The following PDE4D variants were observed in gnomAD, a reference collection of about 807,000 sequenced individuals.
PDE4D encodes the protein phosphodiesterase 4D.
PDE4D carries 24 observed loss-of-function variants against 87.4 expected under a neutral mutation model. That is an observed-to-expected ratio of 0.27 (90% CI 0.20 to 0.39). The LOEUF is 0.39. Ranked by LOEUF, PDE4D falls within the 10% of genes least tolerant of loss-of-function variation. The pLI is 1.00. For synonymous variants in PDE4D, 384 were observed against 383.2 expected, an observed-to-expected ratio of 1.00 and a Z score of -0.02; for missense variants, 714 against 1,041.0, an observed-to-expected ratio of 0.69 and a Z score of 4.32.
At chr5:59,802,396 C>CTTTTTTTT (rs60356253) in intron 1 of PDE4D, among the ~76,000 whole-genome samples, 1 of 110,360 alleles carries the variant, frequency 9.1e-6, no homozygotes, top group Non-Finnish European at 1.8e-5. Context: ...CTTCCATATT[C>CTTTTTTTT]TTTTTTTTTT....
At chr5:59,359,271 C>A (rs990875767) in intron 1 of PDE4D, among the ~76,000 whole-genome samples, 1 of 152,112 alleles carries the variant, frequency 6.6e-6, no homozygotes, top group Non-Finnish European at 1.5e-5. Flanking sequence ...CAAGATAAAA[C>A]AATGGAACTG....
chr5:59,984,708 C>T (rs1428086374), intron 3 of PDE4D, among the ~76,000 whole-genome samples: 1 of 152,120 alleles, frequency 6.6e-6, no homozygotes, highest in Non-Finnish European at 1.5e-5. Flanking sequence ...TTCTGCACAT[C>T]AAAGTTCTTT....
chr5:60,473,635 A>G (rs1748029224), intron 1 of PDE4D, among the ~76,000 whole-genome samples: 3 of 152,078 alleles, frequency 2.0e-5, no homozygotes, highest in Admixed American at 6.6e-5. Flanking sequence ...CCTGGCACAC[A>G]CAGAGCTGAT....
chr5:60,322,979 A>G (rs1756452220), intron 1 of PDE4D, among the ~76,000 whole-genome samples: 1 of 152,206 alleles, frequency 6.6e-6, no homozygotes. Context: ...AAAATATATC[A>G]TCCTTTCATT....
intron 1 of PDE4D, among the ~76,000 whole-genome samples, chr5:59,766,493 G>T (rs1440446518): frequency 6.6e-6 from 1 of 152,218 alleles, no homozygotes; most frequent in Admixed American, 6.5e-5. Context: ...ATCCCGACAT[G>T]TCTAAATAGT....
At chr5:59,762,635 G>T (rs1475559217) in intron 1 of PDE4D, among the ~76,000 whole-genome samples, 4 of 132,428 alleles carry the variant, frequency 3.0e-5, no homozygotes, top group East Asian at 2.0e-4. Flanking sequence ...TGTGTATATG[G>T]GTACACATAT....
intron 6 of PDE4D, among the ~76,000 whole-genome samples, chr5:59,037,872 A>C (rs553563576): frequency 1.5e-4 from 23 of 152,290 alleles, no homozygotes; most frequent in African/African-American, 5.3e-4. Flanking sequence ...AGATATGTGC[A>C]CATAGATGAA....
intron 1 of PDE4D, among the ~76,000 whole-genome samples, chr5:59,817,552 T>C (rs771513688): frequency 6.6e-6 from 1 of 152,224 alleles, no homozygotes; most frequent in Non-Finnish European, 1.5e-5. Flanking sequence ...CATATATTCC[T>C]ATCAGCTCAT....
intron 2 of PDE4D, among the ~76,000 whole-genome samples, chr5:60,002,235 A>G (rs1185198520): frequency 6.6e-6 from 1 of 152,018 alleles, no homozygotes; most frequent in Non-Finnish European, 1.5e-5. Flanking sequence ...ATGAACCTCA[A>G]CAGACCAATA....
At chr5:59,972,692 T>C (rs1347366313) in intron 3 of PDE4D, among the ~76,000 whole-genome samples, 2 of 152,210 alleles carry the variant, frequency 1.3e-5, no homozygotes, top group Non-Finnish European at 2.9e-5. Flanking sequence ...TCAATAAGAC[T>C]AACAGTTCAC....
chr5:60,206,430 A>C (rs1190382015), intron 1 of PDE4D, among the ~76,000 whole-genome samples: 1 of 152,132 alleles, frequency 6.6e-6, no homozygotes, highest in Non-Finnish European at 1.5e-5. Flanking sequence ...TATACCCAAA[A>C]TTTCCCATGC....
chr5:60,035,852 G>T (rs955227676), intron 2 of PDE4D, among the ~76,000 whole-genome samples: 48 of 152,292 alleles, frequency 3.2e-4, no homozygotes, highest in Non-Finnish European at 6.3e-4. Flanking sequence ...CCAAGCTGGG[G>T]TCTTAGCATG....
At chr5:59,463,251 C>G (rs997889409) in intron 1 of PDE4D, among the ~76,000 whole-genome samples, 1 of 152,106 alleles carries the variant, frequency 6.6e-6, no homozygotes, top group Non-Finnish European at 1.5e-5. Flanking sequence ...TTTGTGAGGA[C>G]ACACCATATG....
intron 1 of PDE4D, among the ~76,000 whole-genome samples, chr5:60,246,463 C>A (rs1405624882): frequency 6.6e-6 from 1 of 151,730 alleles, no homozygotes; most frequent in Non-Finnish European, 1.5e-5. Context: ...CTCTTAACTT[C>A]TTTTTCATAT....
intron 1 of PDE4D, among the ~76,000 whole-genome samples, chr5:59,788,817 C>T (rs1392273841): frequency 6.6e-6 from 1 of 152,130 alleles, no homozygotes; most frequent in Non-Finnish European, 1.5e-5. Context: ...CTAGAAAGTC[C>T]TGGCAAAATT....
chr5:59,185,505 C>T (rs1371169851), intron 3 of PDE4D, among the ~76,000 whole-genome samples: 1 of 152,128 alleles, frequency 6.6e-6, no homozygotes, highest in Non-Finnish European at 1.5e-5. Context: ...GCAGCAGTTT[C>T]CACAGTATTT....
At chr5:59,940,580 G>T (rs1322607082) in intron 3 of PDE4D, among the ~76,000 whole-genome samples, 1 of 152,122 alleles carries the variant, frequency 6.6e-6, no homozygotes, top group Non-Finnish European at 1.5e-5. Context: ...ATGTTTGATG[G>T]TATCATTCAC....
upstream of PDE4D, among the ~76,000 whole-genome samples, chr5:59,896,005 C>T (rs1751597565): frequency 1.3e-5 from 2 of 152,284 alleles, no homozygotes; most frequent in Middle Eastern, 3.4e-3. Context: ...TAATATGTTT[C>T]CAACTTGTAG....
chr5:59,405,609 T>C (rs1276081438), intron 1 of PDE4D, among the ~76,000 whole-genome samples: 1 of 152,192 alleles, frequency 6.6e-6, no homozygotes, highest in African/African-American at 2.4e-5. Context: ...ATCCCTGTCA[T>C]GTTACAGATC....
Sources: allele counts gnomAD v4.1 joint callset (sites outside exome capture counted in the v4.1 genomes callset), GRCh38; gene constraint gnomAD v4.1.1; transcripts MANE v1.5; gene names NCBI Gene and HGNC (gene_info 2026-07-23, HGNC 2026-07-21).